The following GLRA3 variants were observed in gnomAD, a reference collection of about 807,000 sequenced individuals.
GLRA3 encodes the protein glycine receptor subunit alpha-3.
In GLRA3, 44 loss-of-function variants were observed where a neutral mutation model predicts 60.4. The observed-to-expected ratio is 0.73, with a 90% confidence interval of 0.57 to 0.94. The LOEUF is 0.94. GLRA3 is among the 40% of genes least tolerant of loss of function. The pLI is 0.00. For synonymous variants in GLRA3, 223 were observed against 192.9 expected (o/e 1.16, Z -1.29); for missense variants, 508 against 564.6 (o/e 0.90, Z 1.02).
At chr4:174,661,686 T>C (rs1489318590) in intron 7 of GLRA3, among the ~76,000 whole-genome samples, 1 of 152,174 alleles carries the variant, frequency 6.6e-6, no homozygotes. Flanking sequence ...CCATAGGATC[T>C]GGCAATCTGG....
At chr4:174,782,404 G>A (rs1380499350) in intron 2 of GLRA3, among the ~76,000 whole-genome samples, 1 of 150,990 alleles carries the variant, frequency 6.6e-6, no homozygotes, top group East Asian at 2.0e-4. Context: ...TTGAAAACTG[G>A]CACAAGACAG....
At chr4:174,649,292 G>A (rs900956367) in intron 9 of GLRA3, among the ~76,000 whole-genome samples, 1 of 152,100 alleles carries the variant, frequency 6.6e-6, no homozygotes, top group Admixed American at 6.5e-5. Context: ...AGGAGGCAAA[G>A]GATCAGCTAT....
chr4:174,724,909 G>A (rs754735523), intron 4 of GLRA3, among the ~76,000 whole-genome samples: 1 of 152,126 alleles, frequency 6.6e-6, no homozygotes, highest in Non-Finnish European at 1.5e-5. Context: ...TCCTGCATAA[G>A]ATATCACTAT....
chr4:174,751,057 G>GCCTA (rs1554018197), intron 3 of GLRA3, among the ~76,000 whole-genome samples: 2 of 142,288 alleles, frequency 1.4e-5, no homozygotes, highest in Non-Finnish European at 3.1e-5. Flanking sequence ...AAGCCTGTCT[G>GCCTA]TCTGTCTATC....
At chr4:174,781,236 G>C (rs1738856592) in intron 2 of GLRA3, among the ~76,000 whole-genome samples, 1 of 151,238 alleles carries the variant, frequency 6.6e-6, no homozygotes, top group Non-Finnish European at 1.5e-5. Context: ...ACGAAATGAA[G>C]GCAGAAATAA....
chr4:174,815,880 C>T (rs1481754686), intron 1 of GLRA3, among the ~76,000 whole-genome samples: 1 of 152,200 alleles, frequency 6.6e-6, no homozygotes, highest in South Asian at 2.1e-4. Context: ...TAACATTTGG[C>T]TTCCCATTAC....
At chr4:174,708,601 CTTTTT>C (rs200207515) in intron 5 of GLRA3, among the ~76,000 whole-genome samples, 2 of 133,046 alleles carry the variant, frequency 1.5e-5, no homozygotes, top group Admixed American at 7.5e-5. Flanking sequence ...AACTTTTACT[CTTTTT>C]TTTTTTTTTT....
intron 5 of GLRA3, among the ~76,000 whole-genome samples, chr4:174,705,479 G>A (rs1254126051): frequency 1.4e-5 from 2 of 144,532 alleles, no homozygotes; most frequent in Admixed American, 1.4e-4. Flanking sequence ...ATGAATTTCT[G>A]GGGGAGGAAA....
intron 3 of GLRA3, among the ~76,000 whole-genome samples, chr4:174,735,110 C>T (rs1736718297): frequency 6.6e-6 from 1 of 152,078 alleles, no homozygotes; most frequent in Non-Finnish European, 1.5e-5. Context: ...CTTTGATGCT[C>T]ACTTAATATT....
intron 1 of GLRA3, among the ~76,000 whole-genome samples, chr4:174,821,227 A>G (rs977889208): frequency 2.6e-5 from 4 of 152,210 alleles, no homozygotes; most frequent in Admixed American, 2.6e-4. Flanking sequence ...GAGAAAGTCC[A>G]GTGGCTTCTT....
intron 7 of GLRA3, among the ~76,000 whole-genome samples, chr4:174,663,132 A>G (rs1733519803): frequency 6.6e-6 from 1 of 152,122 alleles, no homozygotes; most frequent in Non-Finnish European, 1.5e-5. Flanking sequence ...CATATGAAGT[A>G]TTTCAACAGG....
intron 7 of GLRA3, among the ~76,000 whole-genome samples, chr4:174,666,810 G>C (rs1215072250): frequency 6.9e-6 from 1 of 145,136 alleles, no homozygotes; most frequent in East Asian, 2.0e-4. Flanking sequence ...CAGTCATCTT[G>C]GTTATTAAAC....
At chr4:174,733,137 G>A (rs1236011301) in intron 3 of GLRA3, among the ~76,000 whole-genome samples, 1 of 152,094 alleles carries the variant, frequency 6.6e-6, no homozygotes, top group African/African-American at 2.4e-5. Flanking sequence ...ATGTGAAACT[G>A]ACTGGGTCTC....
In GLRA3 at chr4:174,708,281, C is replaced by T. The variant is rs573430998; in HGVS notation, c.574+7207G>A. On this transcript the variant is annotated intron_variant, in intron 5 of 9. Transcript: ENST00000274093. ...AATTTAGCATAAATTCCAGAGTAAG[C>T]GGTCTGAGTAATGTCAAACCTGGTT... Among the ~76,000 whole-genome samples, 56 of 152,106 alleles carry T rather than the reference C, an allele frequency of 3.7e-4. 1 individual carries two copies. In the South Asian group the frequency reaches 0.01, roughly 28 times the overall value.
intron 3 of GLRA3, among the ~76,000 whole-genome samples, chr4:174,740,960 C>T (rs1271612102): frequency 6.6e-6 from 1 of 152,138 alleles, no homozygotes; most frequent in African/African-American, 2.4e-5. Context: ...ACGGGCGTGC[C>T]ACAGGGCTTA....
At chr4:174,784,164 T>C (rs1262454234) in intron 2 of GLRA3, among the ~76,000 whole-genome samples, 1 of 125,152 alleles carries the variant, frequency 8.0e-6, no homozygotes, top group African/African-American at 3.0e-5. Context: ...TTCATGTCCT[T>C]TGTAGGGACA....
intron 1 of GLRA3, among the ~76,000 whole-genome samples, chr4:174,806,612 T>C (rs1032413090): frequency 6.6e-6 from 1 of 152,068 alleles, no homozygotes; most frequent in Non-Finnish European, 1.5e-5. Context: ...ACTATTTAAA[T>C]GGCATTTACC....
At chr4:174,785,602 C>T (rs1398989366) in intron 2 of GLRA3, among the ~76,000 whole-genome samples, 1 of 151,980 alleles carries the variant, frequency 6.6e-6, no homozygotes, top group African/African-American at 2.4e-5. Context: ...CTTTGAAGTC[C>T]AGAGAGGGCA....
intron 3 of GLRA3, among the ~76,000 whole-genome samples, chr4:174,745,857 G>A (rs979004327): frequency 6.6e-6 from 1 of 150,596 alleles, no homozygotes. Flanking sequence ...TACATTTCTC[G>A]AAAGAAGACA....
Sources: gnomAD v4.1 joint callset for allele counts (sites outside exome capture counted in the v4.1 genomes callset) on GRCh38, gnomAD v4.1.1 for gene constraint, MANE v1.5 for transcripts, NCBI Gene and HGNC (gene_info 2026-07-23, HGNC 2026-07-21) for gene names.